Variants in TRABD2B observed in about 807,000 individuals in gnomAD.
The protein encoded by TRABD2B is TraB domain containing 2B, also known as metalloprotease TIKI2.
Under a neutral mutation model 40.1 loss-of-function variants are expected in TRABD2B, and 14 were observed. The observed-to-expected ratio is 0.35, with a 90% CI of 0.23 to 0.55. The LOEUF is 0.55. Among genes scored for constraint, TRABD2B ranks in the 20% least tolerant of loss-of-function variants. The pLI, the probability that TRABD2B is intolerant of heterozygous loss-of-function variation, is 0.90. For missense variants in TRABD2B, 541 were observed against 648.6 expected, an observed-to-expected ratio of 0.83 and a Z score of 1.80; for synonymous variants, 263 against 277.0, an observed-to-expected ratio of 0.95 and a Z score of 0.50.
intron 6 of TRABD2B, among the ~76,000 whole-genome samples, chr1:47,773,186 C>T (rs1374202236): frequency 6.6e-6 from 1 of 152,210 alleles, no homozygotes; most frequent in African/African-American, 2.4e-5. Flanking sequence ...CTCTGAGTGA[C>T]CAGCCTAATT....
intron 2 of TRABD2B, among the ~76,000 whole-genome samples, chr1:47,836,115 C>T (rs551649160): frequency 5.3e-5 from 8 of 152,130 alleles, no homozygotes; most frequent in East Asian, 1.9e-4. Context: ...TTATAATTCT[C>T]GGGGCAACTA....
chr1:47,866,756 C>T (rs1644063685), intron 2 of TRABD2B, among the ~76,000 whole-genome samples: 1 of 152,162 alleles, frequency 6.6e-6, no homozygotes, highest in African/African-American at 2.4e-5. Flanking sequence ...AATGGTTGTG[C>T]TCCCCCTTGG....
At chr1:47,837,342 T>C (rs1645332849) in intron 2 of TRABD2B, among the ~76,000 whole-genome samples, 1 of 152,222 alleles carries the variant, frequency 6.6e-6, no homozygotes, top group Non-Finnish European at 1.5e-5. Flanking sequence ...TTCTTGGCCC[T>C]GACAGATATT....
At chr1:47,839,687 C>T (rs182727769) in intron 2 of TRABD2B, among the ~76,000 whole-genome samples, 3 of 152,264 alleles carry the variant, frequency 2.0e-5, no homozygotes, top group South Asian at 2.1e-4. Context: ...GCATGGAGTG[C>T]GTGGGAACTT....
At position 47,775,198 on chromosome 1, in the gene TRABD2B, T is replaced by C. The variant is rs755363202; in HGVS notation, c.1321A>G (p.Asn441Asp). Residue 441 changes from asparagine to aspartate, a missense_variant, in exon 6 of 7, where the codon AAT becomes GAT. By Grantham distance (23) the Asn-to-Asp change is conservative. Transcript: ENST00000606738. ...TCCTCGATGCGGACCCAGAGGTCAT[T>C]GAACTGCCGCGGCCGCTGGTGTGTG... ...QSTHQRPRQF[N>D]DLWVRIEDST... 3 of 1,239,030 alleles carry C rather than the reference T, an allele frequency of 2.4e-6. No homozygotes were observed. Among genetic ancestry groups the C allele is most frequent in the South Asian group, 7.5e-5 (2 of 26,626 alleles). The allele number at this position is 1,239,030 out of a possible 1,614,324, so 76.8% of individuals were successfully genotyped here.
At chr1:47,879,676 A>G (rs1198025652) in intron 2 of TRABD2B, among the ~76,000 whole-genome samples, 1 of 152,236 alleles carries the variant, frequency 6.6e-6, no homozygotes. Flanking sequence ...GTACTTTTCT[A>G]TTTCTACAAT....
intron 2 of TRABD2B, among the ~76,000 whole-genome samples, chr1:47,891,208 C>A (rs990369001): frequency 6.6e-6 from 1 of 152,194 alleles, no homozygotes; most frequent in African/African-American, 2.4e-5. Context: ...AAGGATCATA[C>A]TAGGCACTGT....
chr1:47,979,668 C>T lies in TRABD2B; in HGVS notation c.666+14366G>A, dbSNP rs142264643. On this transcript the variant is annotated intron_variant, in intron 2 of 6. Coordinates refer to ENST00000606738, the MANE Select transcript of TRABD2B (RefSeq NM_001194986.2). ...CGCCCCCACTTTGAACAGGTGGAATCCCACAAATAAATCACATAAAATAAG... is the reference window on the plus strand; with the variant it reads ...CGCCCCCACTTTGAACAGGTGGAATTCCACAAATAAATCACATAAAATAAG... 8.5e-5 allele frequency among the ~76,000 whole-genome samples: 13 copies of T among 152,256 alleles called. 1 individual carries two copies. The highest frequency in any genetic ancestry group is 2.9e-4 in the African/African-American group (12 of 41,544).
At chr1:47,930,878 G>A (rs748426664) in intron 2 of TRABD2B, among the ~76,000 whole-genome samples, 6 of 152,016 alleles carry the variant, frequency 3.9e-5, no homozygotes, top group Non-Finnish European at 5.9e-5. Context: ...GCTGGGACCC[G>A]ACCCCACAGC....
intron 4 of TRABD2B, among the ~76,000 whole-genome samples, chr1:47,788,431 T>C (rs1164787187): frequency 6.6e-6 from 1 of 152,134 alleles, no homozygotes; most frequent in Non-Finnish European, 1.5e-5. Context: ...ATGTGCCAAA[T>C]GTGTGGGTGC....
Position 47,763,292 on chromosome 1 carries a change from A to G in TRABD2B, c.*2610T>C, listed in dbSNP as rs1644263660. ...TCCTCAGAGATCAGTGAACTTTGGC[A>G]ACAGATGTCTGACCACATTGGCTCT... On this transcript the variant is annotated 3_prime_UTR_variant, in exon 7 of 7. Coordinates refer to ENST00000606738, the MANE Select transcript of TRABD2B (RefSeq NM_001194986.2). 1 of 152,228 alleles carries G rather than the reference A, an allele frequency of 6.6e-6. No homozygotes were observed. The highest frequency in any genetic ancestry group is 2.4e-5 in the African/African-American group (1 of 41,456). 9.4% of individuals were successfully genotyped at this position (152,228 alleles called of 1,614,324 possible). A position where few individuals can be genotyped will look rare whatever the true frequency, so the allele number is the denominator to read the frequency against.
intron 2 of TRABD2B, among the ~76,000 whole-genome samples, chr1:47,960,408 A>G (rs1002276273): frequency 2.0e-5 from 3 of 152,212 alleles, no homozygotes; most frequent in African/African-American, 7.2e-5. Flanking sequence ...TCAATTAGGA[A>G]AAGAGGAAGT....
chr1:47,872,199 C>G (rs11577793), intron 2 of TRABD2B, among the ~76,000 whole-genome samples: 36,495 of 152,094 alleles, frequency 0.24, 4,883 homozygotes, highest in Non-Finnish European at 0.3. Context: ...TGTTTTGCAT[C>G]TACAGTCTAA....
chr1:47,841,986 C>A (rs1645404105), intron 2 of TRABD2B, among the ~76,000 whole-genome samples: 1 of 151,960 alleles, frequency 6.6e-6, no homozygotes, highest in African/African-American at 2.4e-5. Context: ...CGTGGCCAGG[C>A]TGGTCTTGAG....
intron 2 of TRABD2B, among the ~76,000 whole-genome samples, chr1:47,869,923 A>G (rs1333703074): frequency 6.6e-6 from 1 of 152,082 alleles, no homozygotes; most frequent in African/African-American, 2.4e-5. Context: ...TTCTCTGCAG[A>G]CCTAACCCAT....
At chr1:47,910,929 C>T (rs933118133) in intron 2 of TRABD2B, among the ~76,000 whole-genome samples, 16 of 152,108 alleles carry the variant, frequency 1.1e-4, no homozygotes, top group East Asian at 5.8e-4. Context: ...TGAGCAGGAC[C>T]GACGGGTCTA....
At chr1:47,880,193 G>A (rs1644282968) in intron 2 of TRABD2B, among the ~76,000 whole-genome samples, 1 of 152,158 alleles carries the variant, frequency 6.6e-6, no homozygotes, top group Non-Finnish European at 1.5e-5. Flanking sequence ...GTGGGCACCT[G>A]TAATTCCAGA....
At chr1:47,791,790 C>T (rs558862150) in intron 4 of TRABD2B, among the ~76,000 whole-genome samples, 5 of 152,324 alleles carry the variant, frequency 3.3e-5, no homozygotes, top group Non-Finnish European at 5.9e-5. Flanking sequence ...AGCTTTCATG[C>T]GGATGCGTTC....
At chr1:47,927,218 C>G (rs1460104237) in intron 2 of TRABD2B, among the ~76,000 whole-genome samples, 4 of 152,210 alleles carry the variant, frequency 2.6e-5, no homozygotes, top group Non-Finnish European at 4.4e-5. Context: ...ACAGTGGCCC[C>G]AGGGCTGGGT....
Sources: gnomAD v4.1 joint callset for allele counts (sites outside exome capture counted in the v4.1 genomes callset) on GRCh38, gnomAD v4.1.1 for gene constraint, MANE v1.5 for transcripts, NCBI Gene and HGNC (gene_info 2026-07-23, HGNC 2026-07-21) for gene names.